Variants in SAMMSON observed in about 807,000 individuals in gnomAD.
SAMMSON encodes survival associated mitochondrial melanoma specific oncogenic non-coding RNA, also known as long intergenic non-protein coding RNA 1212.
At chr3:70,152,588 T>C (rs1221816067) in intron 4 of SAMMSON, among the ~76,000 whole-genome samples, 3 of 152,066 alleles carry the variant, frequency 2.0e-5, no homozygotes, top group African/African-American at 7.2e-5. Context: ...TCTGTCACCA[T>C]CACTAAAAGT....
chr3:70,032,151 A>G (rs1395263210), intron 3 of SAMMSON, among the ~76,000 whole-genome samples: 6 of 152,192 alleles, frequency 3.9e-5, no homozygotes, highest in Non-Finnish European at 7.4e-5. Context: ...GCCTAGAATT[A>G]GGATGAGGCT....
intron 7 of SAMMSON, among the ~76,000 whole-genome samples, chr3:70,335,737 C>A (rs1702655568): frequency 2.0e-5 from 3 of 151,972 alleles, no homozygotes; most frequent in Admixed American, 6.6e-5. Flanking sequence ...CCACCACCAA[C>A]AACAAAACAG....
intron 3 of SAMMSON, among the ~76,000 whole-genome samples, chr3:70,026,721 G>A (rs965214107): frequency 6.6e-6 from 1 of 152,194 alleles, no homozygotes; most frequent in Non-Finnish European, 1.5e-5. Context: ...AAAGGAGCAA[G>A]GGTCCTCTGA....
chr3:70,281,855 A>G (rs1003103317), intron 6 of SAMMSON, among the ~76,000 whole-genome samples: 2 of 152,204 alleles, frequency 1.3e-5, no homozygotes, highest in Non-Finnish European at 2.9e-5. Flanking sequence ...CTTCAGCCAC[A>G]GAAATTCTAG....
chr3:70,323,949 A>G (rs1270257363), intron 7 of SAMMSON, among the ~76,000 whole-genome samples: 2 of 151,734 alleles, frequency 1.3e-5, no homozygotes, highest in Non-Finnish European at 2.9e-5. Flanking sequence ...TCCAGTCCAA[A>G]CTCATGGGTT....
chr3:70,266,354 A>G (rs1167677869), intron 6 of SAMMSON, among the ~76,000 whole-genome samples: 1 of 152,166 alleles, frequency 6.6e-6, no homozygotes, highest in East Asian at 1.9e-4. Flanking sequence ...AAATATAAAC[A>G]TTTTGGGGCA....
At chr3:70,059,626 A>G (rs1249004767) in intron 3 of SAMMSON, among the ~76,000 whole-genome samples, 1 of 152,102 alleles carries the variant, frequency 6.6e-6, no homozygotes, top group Non-Finnish European at 1.5e-5. Context: ...CCCTCAGTGG[A>G]TTGGATGAGT....
intron 6 of SAMMSON, among the ~76,000 whole-genome samples, chr3:70,272,586 G>A (rs1559550697): frequency 6.6e-6 from 1 of 152,140 alleles, no homozygotes; most frequent in Non-Finnish European, 1.5e-5. Flanking sequence ...TCTTTACGTG[G>A]ACATATGTTT....
chr3:70,058,783 A>G (rs143979447), intron 3 of SAMMSON, among the ~76,000 whole-genome samples: 5 of 152,260 alleles, frequency 3.3e-5, no homozygotes, highest in African/African-American at 1.2e-4. Flanking sequence ...ATACCATCAT[A>G]TAAATCTCAA....
intron 4 of SAMMSON, chr3:70,125,965 G>C: frequency 1.3e-6 from 1 of 780,024 alleles, no homozygotes; most frequent in South Asian, 1.4e-5. Flanking sequence ...GGGTGGAAGA[G>C]GTGGATGCAA....
At chr3:70,125,590 C>A in intron 4 of SAMMSON, 1 of 696,870 alleles carries the variant, frequency 1.4e-6, no homozygotes, top group South Asian at 1.5e-5. Context: ...TTTTTTCTCA[C>A]AATTTTGTTT....
rs116527438 is a variant in SAMMSON at position 70,185,739 on chromosome 3, G to A, written n.508-63368G>A. Among the ~76,000 whole-genome samples the A allele has an allele frequency of 8.5e-3, 1,257 of 148,344 alleles. 21 individuals are homozygous for A. Among genetic ancestry groups the A allele is most frequent in the African/African-American group, 0.029 (1,183 of 40,166 alleles). On this transcript the variant is annotated intron_variant and non_coding_transcript_variant, in intron 4 of 9. Coordinates refer to ENST00000642114, the Ensembl canonical transcript of SAMMSON. ...CAGCCAGGTGTAGTGGCACATGCCT[G>A]TAGTTCCAGCTACCAGAAGGCTAAG...
At chr3:70,058,133 A>G (rs1428781483) in intron 3 of SAMMSON, among the ~76,000 whole-genome samples, 1 of 152,082 alleles carries the variant, frequency 6.6e-6, no homozygotes, top group Non-Finnish European at 1.5e-5. Context: ...AAGAAAGTTG[A>G]TGAGGAAGAA....
chr3:70,153,218 G>A (rs778955253), intron 4 of SAMMSON, among the ~76,000 whole-genome samples: 18 of 151,886 alleles, frequency 1.2e-4, no homozygotes, highest in Non-Finnish European at 2.5e-4. Flanking sequence ...CCCCGCCCAA[G>A]TTTTTTAAAT....
intron 4 of SAMMSON, among the ~76,000 whole-genome samples, chr3:70,149,153 A>G (rs2067561567): frequency 4.6e-5 from 7 of 152,054 alleles, no homozygotes. Context: ...AGTGACTCCC[A>G]GTTTATTTAT....
At position 70,273,512 on chromosome 3, in the gene SAMMSON, T is replaced by TA. The variant is rs1347607678; in HGVS notation, n.675-17666dup. 2.0e-5 allele frequency among the ~76,000 whole-genome samples: 3 copies of TA among 152,014 alleles called. No homozygotes were observed. The East Asian group carries it at 5.8e-4, about 29-fold the overall frequency. On this transcript the variant is annotated intron_variant and non_coding_transcript_variant, in intron 6 of 9. Transcript: ENST00000642114. Reference sequence around the variant, plus strand: ...CCCTAAAACAGTAAACTCCAGATAATACAGTTATATCACCTAATTGGGAAA... The same window carrying TA: ...CCCTAAAACAGTAAACTCCAGATAATAACAGTTATATCACCTAATTGGGAAA...
intron 3 of SAMMSON, among the ~76,000 whole-genome samples, chr3:70,062,317 C>T (rs1357722723): frequency 6.6e-6 from 1 of 152,096 alleles, no homozygotes; most frequent in Non-Finnish European, 1.5e-5. Context: ...TCTGCCACCA[C>T]CTGACATTAT....
chr3:70,193,539 A>G (rs1301964175), intron 4 of SAMMSON, among the ~76,000 whole-genome samples: 2 of 152,148 alleles, frequency 1.3e-5, no homozygotes, highest in Non-Finnish European at 2.9e-5. Context: ...TATGTTGATT[A>G]TCACTGGAAA....
intron 7 of SAMMSON, among the ~76,000 whole-genome samples, chr3:70,336,102 T>C (rs1262377283): frequency 1.3e-5 from 2 of 152,014 alleles, no homozygotes; most frequent in Non-Finnish European, 2.9e-5. Context: ...AAAGAATCAC[T>C]GTACAAAATA....
Sources: gnomAD v4.1 joint callset for allele counts (sites outside exome capture counted in the v4.1 genomes callset) on GRCh38, gnomAD v4.1.1 for gene constraint, MANE v1.5 for transcripts, NCBI Gene and HGNC (gene_info 2026-07-23, HGNC 2026-07-21) for gene names.